SIPA1L1: variants seen among roughly 807,000 people sequenced by gnomAD.
SIPA1L1 encodes the protein signal-induced proliferation-associated 1-like protein 1.
In SIPA1L1, 26 loss-of-function variants were observed where a neutral mutation model predicts 162.7. The observed-to-expected ratio is 0.16, with a 90% CI of 0.12 to 0.22. SIPA1L1 has a LOEUF of 0.22. SIPA1L1 is among the 10% of genes least tolerant of loss of function. SIPA1L1 has a pLI of 1.00. For synonymous variants in SIPA1L1, 829 were observed against 837.4 expected, an observed-to-expected ratio of 0.99 and a Z score of 0.17; for missense variants, 1,874 against 2,241.0, an observed-to-expected ratio of 0.84 and a Z score of 3.31.
intron 2 of SIPA1L1, among the ~76,000 whole-genome samples, chr14:71,480,779 A>G (rs2048296671): frequency 6.6e-6 from 1 of 152,152 alleles, no homozygotes; most frequent in Admixed American, 6.5e-5. Flanking sequence ...AAAAACAAAC[A>G]AACAAAAAAA....
intron 2 of SIPA1L1, among the ~76,000 whole-genome samples, chr14:71,494,187 C>T (rs1322296108): frequency 1.3e-5 from 2 of 152,174 alleles, no homozygotes; most frequent in African/African-American, 4.8e-5. Context: ...TGACAGTGGA[C>T]GTCCTTGTTT....
intron 2 of SIPA1L1, among the ~76,000 whole-genome samples, chr14:71,417,328 G>T (rs1165278412): frequency 6.6e-6 from 1 of 150,644 alleles, no homozygotes; most frequent in Admixed American, 6.6e-5. Flanking sequence ...AAAATTAGCC[G>T]GGCGAGGTGG....
chr14:71,364,593 A>C (rs1470614126), intron 2 of SIPA1L1, among the ~76,000 whole-genome samples: 1 of 152,078 alleles, frequency 6.6e-6, no homozygotes, highest in African/African-American at 2.4e-5. Context: ...TTACCAGTTA[A>C]AGGATATTTG....
intron 4 of SIPA1L1, among the ~76,000 whole-genome samples, chr14:71,543,786 G>A (rs1348530892): frequency 6.8e-6 from 1 of 146,784 alleles, no homozygotes. Context: ...TGATTTGTAA[G>A]ATTATATATG....
intron 13 of SIPA1L1, among the ~76,000 whole-genome samples, chr14:71,698,192 C>T (rs1486103109): frequency 6.6e-6 from 1 of 152,190 alleles, no homozygotes. Flanking sequence ...GTCAGCACAG[C>T]GTCACTTACT....
chr14:71,739,393 T>TTTA lies in SIPA1L1; in HGVS notation c.*233_*234insTAT, dbSNP rs1282359714. The TTTA allele has an allele frequency of 3.2e-6, 1 of 315,626 alleles. No homozygotes were observed. Among genetic ancestry groups the TTTA allele is most frequent in the Non-Finnish European group, 5.8e-6 (1 of 173,378 alleles). 19.6% of individuals were successfully genotyped at this position (315,626 alleles called of 1,614,324 possible). A position where few individuals can be genotyped will look rare whatever the true frequency, so the allele number is the denominator to read the frequency against. On this transcript the variant is annotated 3_prime_UTR_variant, in exon 24 of 24. Transcript: ENST00000381232. ...AAATTTTAAACAGTAAAATAAAAGT[T>TTTA]TAACTGCTAAAATGTGAATGTCTTT...
At chr14:71,516,536 G>T (rs1340843006) in intron 3 of SIPA1L1, among the ~76,000 whole-genome samples, 2 of 152,162 alleles carry the variant, frequency 1.3e-5, no homozygotes, top group Non-Finnish European at 2.9e-5. Context: ...ACTGGCATGT[G>T]TCACCATGCT....
intron 2 of SIPA1L1, among the ~76,000 whole-genome samples, chr14:71,373,657 CA>C (rs34113031): frequency 0.26 from 21,489 of 83,654 alleles, 1,447 homozygotes; most frequent in East Asian, 0.48. Flanking sequence ...ACTCTGTCTC[CA>C]AAAAAAAAAA....
chr14:71,611,380 T>C (rs2038186863), intron 5 of SIPA1L1, among the ~76,000 whole-genome samples: 1 of 151,606 alleles, frequency 6.6e-6, no homozygotes, highest in South Asian at 2.1e-4. Flanking sequence ...TTCCTAGTTG[T>C]TATTTTAATT....
chr14:71,653,684 A>AT (rs1364127066), intron 8 of SIPA1L1, among the ~76,000 whole-genome samples: 2 of 151,940 alleles, frequency 1.3e-5, no homozygotes, highest in Non-Finnish European at 2.9e-5. Context: ...CTATTATATC[A>AT]TTTTTTCTAG....
At chr14:71,542,690 T>C (rs1409105353) in intron 4 of SIPA1L1, among the ~76,000 whole-genome samples, 4 of 87,690 alleles carry the variant, frequency 4.6e-5, no homozygotes, top group African/African-American at 9.0e-5. Flanking sequence ...TCCTTCCTTC[T>C]CCCTTCTCCT....
At chr14:71,349,583 T>C (rs182569244) in intron 2 of SIPA1L1, among the ~76,000 whole-genome samples, 1 of 152,314 alleles carries the variant, frequency 6.6e-6, no homozygotes, top group Admixed American at 6.5e-5. Flanking sequence ...AAAAGTTTCA[T>C]GTGACTTTCT....
intron 7 of SIPA1L1, among the ~76,000 whole-genome samples, chr14:71,638,756 G>A (rs1299048177): frequency 6.6e-6 from 1 of 152,136 alleles, no homozygotes; most frequent in African/African-American, 2.4e-5. Flanking sequence ...AAACCCTAAG[G>A]AATCTATAGA....
intron 13 of SIPA1L1, among the ~76,000 whole-genome samples, chr14:71,693,740 A>G (rs1434640699): frequency 6.9e-6 from 1 of 144,348 alleles, no homozygotes; most frequent in East Asian, 2.0e-4. Context: ...TTTTTTTTAC[A>G]TAATTTTGGA....
intron 2 of SIPA1L1, among the ~76,000 whole-genome samples, chr14:71,486,823 T>C (rs1025779692): frequency 6.6e-6 from 1 of 152,210 alleles, no homozygotes; most frequent in African/African-American, 2.4e-5. Context: ...TCTATAAATA[T>C]TATTCAGGGT....
intron 2 of SIPA1L1, among the ~76,000 whole-genome samples, chr14:71,477,768 G>T (rs1243018249): frequency 6.6e-6 from 1 of 151,706 alleles, no homozygotes; most frequent in African/African-American, 2.4e-5. Flanking sequence ...AAGGACATTT[G>T]GTTTGTTCTA....
At position 71,480,384 on chromosome 14, in the gene SIPA1L1, C is replaced by T. The variant is rs1319143617; in HGVS notation, c.-464-32359C>T. ...GATTACAGGCGTGAGCCACCGTGCC[C>T]GGCCAGACTAGTGTTTTTCACAAAT... On this transcript the variant is annotated intron_variant, in intron 2 of 23. Coordinates refer to ENST00000381232, the MANE Select transcript of SIPA1L1 (RefSeq NM_001386936.1). Among the ~76,000 whole-genome samples the T allele has an allele frequency of 4.6e-5, 7 of 150,908 alleles. No individual in the cohort carries two copies. The East Asian group carries it at 7.9e-4, about 17-fold the overall frequency.
At chr14:71,738,161 T>TAAAAAAAAAAAAAAAAAAA (rs34549978) in intron 22 of SIPA1L1, 80 bp from the exon 23 acceptor site, 4 of 324,174 alleles carry the variant, frequency 1.2e-5, no homozygotes, top group Non-Finnish European at 1.6e-5. Context: ...CTCCTCAGAG[T>TAAAAAAAAAAAAAAAAAAA]AAAAAAAAAA....
chr14:71,430,952 ATAT>A lies in SIPA1L1; in HGVS notation c.-464-81784_-464-81782del, dbSNP rs2043940017. On this transcript the variant is annotated intron_variant, in intron 2 of 23. Coordinates refer to ENST00000381232, the MANE Select transcript of SIPA1L1 (RefSeq NM_001386936.1). ...TGGAAATGTGAAGGACCTATTATTG[ATAT>A]TATTATAAAGGTCCTATATAGATAT... 1.3e-5 allele frequency among the ~76,000 whole-genome samples: 2 copies of A among 152,064 alleles called. 1 individual carries two copies. Among genetic ancestry groups the A allele is most frequent in the South Asian group, 4.1e-4 (2 of 4,826 alleles).
Sources: gnomAD v4.1 joint callset for allele counts (sites outside exome capture counted in the v4.1 genomes callset) on GRCh38, gnomAD v4.1.1 for gene constraint, MANE v1.5 for transcripts, NCBI Gene and HGNC (gene_info 2026-07-23, HGNC 2026-07-21) for gene names.